The following SEMA3A variants were observed in gnomAD, a reference collection of about 807,000 sequenced individuals.
SEMA3A encodes semaphorin 3A, also known as semaphorin-3A.
Under a neutral mutation model 97.9 loss-of-function variants are expected in SEMA3A, and 29 were observed. That is an observed-to-expected ratio of 0.30 (90% confidence interval 0.22 to 0.40). The LOEUF (loss-of-function observed/expected upper bound fraction) is 0.40. Among genes scored for constraint, SEMA3A ranks in the 10% least tolerant of loss-of-function variants. SEMA3A has a pLI of 1.00. For synonymous variants in SEMA3A, 321 were observed against 323.7 expected, an observed-to-expected ratio of 0.99 and a Z score of 0.09; for missense variants, 763 against 951.3, an observed-to-expected ratio of 0.80 and a Z score of 2.60.
chr7:84,369,986 T>C (rs1156748332), intron 2 of SEMA3A, among the ~76,000 whole-genome samples: 3 of 151,056 alleles, frequency 2.0e-5, no homozygotes, highest in South Asian at 2.1e-4. Context: ...TCATACCAAA[T>C]AGGAAAGGAA....
chr7:84,255,886 C>T (rs961596898), intron 3 of SEMA3A, among the ~76,000 whole-genome samples: 9 of 147,902 alleles, frequency 6.1e-5, no homozygotes, highest in Non-Finnish European at 1.2e-4. Flanking sequence ...ATTATGATGG[C>T]AGATAAAACA....
intron 1 of SEMA3A, among the ~76,000 whole-genome samples, chr7:84,136,853 AT>A (rs1469436066): frequency 6.6e-6 from 1 of 152,036 alleles, no homozygotes; most frequent in African/African-American, 2.4e-5. Context: ...TTCATGAGAA[AT>A]AGTACAATAC....
Position 83,965,627 on chromosome 7 carries a change from CATATATATATATATATATATATAT to C in SEMA3A, c.1718-2304_1718-2281del, listed in dbSNP as rs869210450. Among the ~76,000 whole-genome samples, 16 of 25,502 alleles carry C rather than the reference CATATATATATATATATATATATAT, an allele frequency of 6.3e-4. No homozygotes were observed. The East Asian group carries it at 8.6e-3, about 14-fold the overall frequency. The allele number at this position is 25,502 out of a possible 152,430, so 16.7% of individuals were successfully genotyped here. On this transcript the variant is annotated intron_variant, in intron 15 of 16. Coordinates refer to ENST00000265362, the MANE Select transcript of SEMA3A (RefSeq NM_006080.3). ...AATACCAATGTAACACCAATGGGTGCATATATATATATATATATATATATATATATATATATATATTTTTTTTTT... is the reference window on the plus strand; with the variant it reads ...AATACCAATGTAACACCAATGGGTGCATATATATATATATATTTTTTTTTT...
At chr7:84,381,595 C>T (rs1295965607) in intron 1 of SEMA3A, among the ~76,000 whole-genome samples, 1 of 152,130 alleles carries the variant, frequency 6.6e-6, no homozygotes, top group Non-Finnish European at 1.5e-5. Context: ...TCTCCTATCC[C>T]TTTGGTCACA....
chr7:84,313,024 G>T (rs1428568152), intron 2 of SEMA3A, among the ~76,000 whole-genome samples: 1 of 135,668 alleles, frequency 7.4e-6, no homozygotes, highest in African/African-American at 2.7e-5. Context: ...TATATATGTA[G>T]GTATACATAC....
chr7:84,158,797 T>C (rs1368384919), intron 1 of SEMA3A, among the ~76,000 whole-genome samples: 1 of 151,740 alleles, frequency 6.6e-6, no homozygotes, highest in African/African-American at 2.4e-5. Context: ...TTGCAAATTG[T>C]TGTGATGCCT....
At chr7:84,404,340 G>GA (rs1323110262) in intron 1 of SEMA3A, among the ~76,000 whole-genome samples, 3 of 151,716 alleles carry the variant, frequency 2.0e-5, no homozygotes, top group Non-Finnish European at 4.4e-5. Flanking sequence ...GAGAAGTTTA[G>GA]AAAAAAAAGA....
intron 1 of SEMA3A, among the ~76,000 whole-genome samples, chr7:84,488,611 C>CT (rs1267352282): frequency 2.0e-5 from 3 of 152,068 alleles, no homozygotes; most frequent in Admixed American, 2.0e-4. Flanking sequence ...AGGAGACAAA[C>CT]TTTCCAGAGT....
Position 84,317,001 on chromosome 7 carries a change from A to C in SEMA3A, c.-168-9709T>G, listed in dbSNP as rs113193260. Among the ~76,000 whole-genome samples, 5 of 152,204 alleles carry C rather than the reference A, an allele frequency of 3.3e-5. 1 individual carries two copies. Among genetic ancestry groups the C allele is most frequent in the African/African-American group, 1.2e-4 (5 of 41,548 alleles). On this transcript the variant is annotated intron_variant, in intron 2 of 3. Coordinates refer to the SEMA3A transcript ENST00000424555. ...TTTTTTTTTCGCACATTAGGAAATTATACTATTAGCTGGTACCCATCATCA... is the reference window on the plus strand; with the variant it reads ...TTTTTTTTTCGCACATTAGGAAATTCTACTATTAGCTGGTACCCATCATCA...
intron 2 of SEMA3A, among the ~76,000 whole-genome samples, chr7:84,362,000 C>A (rs1195013838): frequency 7.9e-5 from 12 of 151,934 alleles, no homozygotes; most frequent in African/African-American, 2.9e-4. Flanking sequence ...TAAAATTACT[C>A]TAAGTATAGA....
At chr7:84,369,127 A>G (rs1274933261) in intron 2 of SEMA3A, among the ~76,000 whole-genome samples, 3 of 151,088 alleles carry the variant, frequency 2.0e-5, no homozygotes, top group Non-Finnish European at 4.5e-5. Flanking sequence ...GACAGATAAA[A>G]TACACAAATC....
At chr7:84,391,050 T>G (rs1228875) in intron 1 of SEMA3A, among the ~76,000 whole-genome samples, 26,925 of 152,114 alleles carry the variant, frequency 0.18, 2,532 homozygotes, top group Middle Eastern at 0.22. Flanking sequence ...AACTTAGAGC[T>G]TGGCAGGGTT....
chr7:84,257,754 CT>C (rs1266466199), intron 3 of SEMA3A, among the ~76,000 whole-genome samples: 3 of 152,030 alleles, frequency 2.0e-5, no homozygotes, highest in East Asian at 1.9e-4. Flanking sequence ...AAAGACACTA[CT>C]TTTTTTCTAG....
chr7:84,029,806 C>T (rs1791671832), intron 6 of SEMA3A, among the ~76,000 whole-genome samples: 1 of 86,444 alleles, frequency 1.2e-5, no homozygotes, highest in African/African-American at 4.2e-5. Context: ...ACATCCCTTC[C>T]ATATACACAC....
intron 3 of SEMA3A, among the ~76,000 whole-genome samples, chr7:84,208,468 G>A (rs1241097883): frequency 1.3e-5 from 2 of 151,954 alleles, no homozygotes; most frequent in Non-Finnish European, 2.9e-5. Flanking sequence ...AGAACGGAAA[G>A]ACAAATGAAT....
At chr7:84,209,509 A>C (rs1429957014) in intron 3 of SEMA3A, among the ~76,000 whole-genome samples, 1 of 152,208 alleles carries the variant, frequency 6.6e-6, no homozygotes, top group East Asian at 1.9e-4. Context: ...CCTTTTCTAT[A>C]CATGAATGAG....
rs113088060 is a variant in SEMA3A, at chr7:84,317,313, A to G, written c.-168-10021T>C. Among the ~76,000 whole-genome samples the G allele has an allele frequency of 3.3e-5, 5 of 152,304 alleles. 1 individual carries two copies. The highest frequency in any genetic ancestry group is 1.2e-4 in the African/African-American group (5 of 41,572). ...TTCACTCTCTGATTTTCTACAGATA[A>G]AAGTACTGTGTGTAGAGAATAAAAT... On this transcript the variant is annotated intron_variant, in intron 2 of 3. Coordinates refer to the SEMA3A transcript ENST00000424555.
intron 1 of SEMA3A, among the ~76,000 whole-genome samples, chr7:84,150,280 C>A (rs1458559471): frequency 6.6e-6 from 1 of 152,158 alleles, no homozygotes; most frequent in Non-Finnish European, 1.5e-5. Flanking sequence ...CAGCTCCCAG[C>A]GTGAGCGACG....
chr7:84,262,381 A>T lies in SEMA3A; in HGVS notation c.-83+44826T>A, dbSNP rs542245259. Among the ~76,000 whole-genome samples, 15 of 152,062 alleles carry T rather than the reference A, an allele frequency of 9.9e-5. No individual in the cohort carries two copies. In the East Asian group the frequency reaches 1.2e-3, roughly 12 times the overall value. On this transcript the variant is annotated intron_variant, in intron 3 of 3. Coordinates refer to the SEMA3A transcript ENST00000424555. ...AGGTGCCTGCCACCATGCCCAGCTG[A>T]TTTTTGTATTTTTACTAGAGACAGG...
Sources: gnomAD v4.1 joint callset for allele counts (sites outside exome capture counted in the v4.1 genomes callset) on GRCh38, gnomAD v4.1.1 for gene constraint, MANE v1.5 for transcripts, NCBI Gene and HGNC (gene_info 2026-07-23, HGNC 2026-07-21) for gene names.